The following MLKL variants were observed in gnomAD, a reference collection of about 807,000 sequenced individuals.
MLKL encodes the protein mixed lineage kinase domain-like protein.
In MLKL, 55 loss-of-function variants were observed where a neutral mutation model predicts 56.5. The ratio of observed to expected loss-of-function variants is 0.97; its 90% CI spans 0.78 to 1.22. The LOEUF (loss-of-function observed/expected upper bound fraction) is 1.22, where lower values mean the gene tolerates loss of function less well. Ranked by LOEUF, MLKL falls within the 50% of genes most tolerant of loss-of-function variation. MLKL has a pLI of 0.00. For missense variants in MLKL, 694 were observed against 573.9 expected (o/e 1.21, Z -2.14); for synonymous variants, 251 against 208.3 (o/e 1.20, Z -1.76).
At chr16:74,694,195 G>T (rs150446315) in intron 2 of MLKL, among the ~76,000 whole-genome samples, 2 of 152,290 alleles carry the variant, frequency 1.3e-5, no homozygotes, top group Admixed American at 1.3e-4. Context: ...CTCCAGAAGG[G>T]TATTCAAGAA....
chr16:74,695,074 G>T (rs530866914), intron 2 of MLKL, among the ~76,000 whole-genome samples: 1 of 152,120 alleles, frequency 6.6e-6, no homozygotes, highest in Non-Finnish European at 1.5e-5. Context: ...GGGTTTCACC[G>T]TGTTAGCCAG....
chr16:74,682,653 G>A lies in MLKL; in HGVS notation c.954C>T (p.Tyr318=), dbSNP rs908522364. 47 of 1,613,878 alleles carry A rather than the reference G, an allele frequency of 2.9e-5. No homozygotes were observed. The highest frequency in any genetic ancestry group is 4.0e-5 in the Non-Finnish European group (47 of 1,180,014). Residue 318 remains tyrosine (Y), a splice_region_variant and synonymous_variant, in exon 6 of 11, where the codon TAC becomes TAT. Transcript: ENST00000308807. The part of the protein sequence containing the change: ...VLVLGAARGL[Y]RLHHSEAPEL... ...GGCGCCTTTTCACCCCGTCTTACCG[G>A]TATAGGCCTCGGGCTGCCCCCAGGA...
intron 6 of MLKL, among the ~76,000 whole-genome samples, chr16:74,680,650 G>A (rs527561345): frequency 8.5e-5 from 13 of 152,270 alleles, no homozygotes; most frequent in South Asian, 4.1e-4. Flanking sequence ...GGGACTATAG[G>A]TGCGTGCCAT....
chr16:74,700,205 G>A (rs1961302963), intron 1 of MLKL, among the ~76,000 whole-genome samples: 2 of 151,916 alleles, frequency 1.3e-5, no homozygotes, highest in Admixed American at 6.6e-5. Flanking sequence ...GAAGACATCA[G>A]GTAACTTGTT....
intron 1 of MLKL, among the ~76,000 whole-genome samples, 191 bp downstream of exon 1, chr16:74,700,262 C>A (rs1003138079): frequency 6.6e-5 from 10 of 151,884 alleles, no homozygotes; most frequent in Non-Finnish European, 1.2e-4. Flanking sequence ...GGGCGTCTCG[C>A]TTTGGCGGAA....
chr16:74,695,881 A>G, intron 1 of MLKL, 122 bp from the exon 2 acceptor site: 1 of 859,666 alleles, frequency 1.2e-6, no homozygotes, highest in Admixed American at 2.9e-5. Context: ...CAGCATTTTC[A>G]TGCAAGATAG....
intron 7 of MLKL, chr16:74,676,360 C>T (rs2144451072): frequency 1.0e-6 from 1 of 985,494 alleles, no homozygotes; most frequent in Non-Finnish European, 1.2e-6. Flanking sequence ...GTCCCATGCA[C>T]ACCTGCCATT....
chr16:74,698,938 C>T (rs1961216160), intron 1 of MLKL, among the ~76,000 whole-genome samples: 1 of 152,120 alleles, frequency 6.6e-6, no homozygotes, highest in South Asian at 2.1e-4. Flanking sequence ...CATGGTGAAA[C>T]CCCATCTCTA....
intron 4 of MLKL, among the ~76,000 whole-genome samples, chr16:74,687,395 C>A (rs1337761580): frequency 6.6e-6 from 1 of 151,854 alleles, no homozygotes; most frequent in African/African-American, 2.4e-5. Context: ...GCAATCCTTA[C>A]CCGATTTGTA....
chr16:74,680,415 A>G (rs891963521), intron 6 of MLKL, among the ~76,000 whole-genome samples: 2 of 151,778 alleles, frequency 1.3e-5, no homozygotes. Flanking sequence ...AGGGAAAATT[A>G]CTCTCCTTTC....
At chr16:74,696,104 G>A (rs1412720524) in intron 1 of MLKL, among the ~76,000 whole-genome samples, 1 of 152,202 alleles carries the variant, frequency 6.6e-6, no homozygotes, top group African/African-American at 2.4e-5. Context: ...CTCTCCCTTG[G>A]TTGGCTGGAT....
intron 4 of MLKL, among the ~76,000 whole-genome samples, chr16:74,687,834 AT>A (rs1029516508): frequency 2.0e-5 from 3 of 150,078 alleles, no homozygotes; most frequent in South Asian, 2.1e-4. Flanking sequence ...ACGCCTGGCT[AT>A]TTTTTTTTGC....
At chr16:74,681,578 G>C (rs969947277) in intron 6 of MLKL, among the ~76,000 whole-genome samples, 16 of 151,806 alleles carry the variant, frequency 1.1e-4, no homozygotes, top group African/African-American at 3.1e-4. Flanking sequence ...TGGATCATGA[G>C]GTCAGGAGAT....
At chr16:74,692,493 A>T in intron 2 of MLKL, 77 bp from the exon 3 acceptor site, 1 of 1,195,706 alleles carries the variant, frequency 8.4e-7, no homozygotes, top group Non-Finnish European at 1.2e-6. Flanking sequence ...ATGCTAATTA[A>T]AACTGTTGAG....
In MLKL at chr16:74,678,935, G is replaced by C. The variant is rs1567602908; in HGVS notation, c.1002C>G (p.Ser334Arg). Reference protein sequence around the residue: ...EAPELHGKIRSSNFLVTQGYQ... With the variant: ...EAPELHGKIRRSNFLVTQGYQ... ...AGCCTTGAGTTACCAGGAAGTTTGA[G>C]CTTCTGATTTTTCCGTGGAGTTCAG... Residue 334 changes from serine to arginine, a missense_variant, in exon 7 of 11, where the codon AGC becomes AGG. Coordinates refer to ENST00000308807, the MANE Select transcript of MLKL (RefSeq NM_152649.4). 1 of 1,614,154 alleles carries C rather than the reference G, an allele frequency of 6.2e-7. No homozygotes were observed. The highest frequency in any genetic ancestry group is 2.2e-5 in the East Asian group (1 of 44,878).
intron 9 of MLKL, 70 bp downstream of exon 9, chr16:74,675,284 TG>T (rs1301563937): frequency 6.2e-7 from 1 of 1,607,248 alleles, no homozygotes; most frequent in East Asian, 2.2e-5. Context: ...GCAGCACTGA[TG>T]GGGAATTTCT....
intron 6 of MLKL, among the ~76,000 whole-genome samples, chr16:74,679,204 T>G (rs1028056684): frequency 6.6e-6 from 1 of 152,154 alleles, no homozygotes; most frequent in Non-Finnish European, 1.5e-5. Flanking sequence ...CCTTATGAAG[T>G]GCATGCAATC....
chr16:74,686,455 C>T (rs1597497180), intron 4 of MLKL, among the ~76,000 whole-genome samples: 1 of 152,164 alleles, frequency 6.6e-6, no homozygotes, highest in Admixed American at 6.5e-5. Flanking sequence ...TGGTGGCGGG[C>T]GCCTGTAGCC....
chr16:74,695,082 C>T (rs983773884), intron 2 of MLKL, among the ~76,000 whole-genome samples: 6 of 152,170 alleles, frequency 3.9e-5, no homozygotes. Flanking sequence ...CCGTGTTAGC[C>T]AGGATGGTCT....
Sources: gnomAD v4.1 joint callset for allele counts (sites outside exome capture counted in the v4.1 genomes callset) on GRCh38, gnomAD v4.1.1 for gene constraint, MANE v1.5 for transcripts, NCBI Gene and HGNC (gene_info 2026-07-23, HGNC 2026-07-21) for gene names.